Variants in ADCK1 observed in about 807,000 individuals in gnomAD.
ADCK1 encodes the protein aarF domain-containing protein kinase 1.
A neutral mutation model predicts 52.3 loss-of-function variants in ADCK1; 41 were observed. The observed-to-expected ratio is 0.78, with a 90% CI of 0.61 to 1.02. The LOEUF is 1.02. Ranked by LOEUF, ADCK1 falls within the 50% of genes least tolerant of loss-of-function variation. The pLI, the probability that ADCK1 is intolerant of heterozygous loss-of-function variation, is 0.00. For missense variants in ADCK1, 658 were observed against 679.5 expected (o/e 0.97, Z 0.35); for synonymous variants, 250 against 274.6 (o/e 0.91, Z 0.89).
chr14:77,927,332 A>G (rs901168244), intron 9 of ADCK1, among the ~76,000 whole-genome samples: 2 of 152,250 alleles, frequency 1.3e-5, no homozygotes, highest in Non-Finnish European at 2.9e-5. Context: ...TCAAAGGAAG[A>G]CAGACAATTT....
intron 1 of ADCK1, among the ~76,000 whole-genome samples, chr14:77,806,098 G>T (rs892679091): frequency 6.7e-6 from 1 of 150,034 alleles, no homozygotes; most frequent in Non-Finnish European, 1.5e-5. Context: ...ATTGCTCGAG[G>T]TCAGGAGTTT....
At chr14:77,872,573 G>A (rs1474259827) in intron 4 of ADCK1, among the ~76,000 whole-genome samples, 1 of 152,054 alleles carries the variant, frequency 6.6e-6, no homozygotes, top group East Asian at 1.9e-4. Flanking sequence ...TCAGATGGGG[G>A]GCTGGCCTTG....
At chr14:77,874,091 C>A (rs1283157693) in intron 4 of ADCK1, among the ~76,000 whole-genome samples, 1 of 152,188 alleles carries the variant, frequency 6.6e-6, no homozygotes, top group Non-Finnish European at 1.5e-5. Flanking sequence ...CTAGACTGCC[C>A]CCCATCCCCG....
At chr14:77,866,609 G>A (rs1261979921) in intron 4 of ADCK1, among the ~76,000 whole-genome samples, 1 of 152,186 alleles carries the variant, frequency 6.6e-6, no homozygotes, top group African/African-American at 2.4e-5. Context: ...TGGTCTCCAG[G>A]CAGGGCTAAT....
At chr14:77,905,354 TG>T (rs2083642051) in intron 6 of ADCK1, among the ~76,000 whole-genome samples, 1 of 134,170 alleles carries the variant, frequency 7.5e-6, no homozygotes, top group Admixed American at 8.4e-5. Flanking sequence ...TCTGTCACCG[TG>T]GCTGGAGTAC....
At chr14:77,827,870 C>T in intron 3 of ADCK1, 1 of 415,718 alleles carries the variant, frequency 2.4e-6, no homozygotes, top group Non-Finnish European at 4.7e-6. Flanking sequence ...GCTGTATCTC[C>T]CAGGCTGGAG....
At chr14:77,879,227 C>T (rs1244756952) in intron 4 of ADCK1, among the ~76,000 whole-genome samples, 1 of 152,110 alleles carries the variant, frequency 6.6e-6, no homozygotes, top group Non-Finnish European at 1.5e-5. Context: ...AAATACTTAC[C>T]GAGTACCATC....
intron 3 of ADCK1, among the ~76,000 whole-genome samples, chr14:77,835,720 C>T (rs1341505401): frequency 6.6e-6 from 1 of 152,224 alleles, no homozygotes; most frequent in Non-Finnish European, 1.5e-5. Flanking sequence ...ACTGCATCCT[C>T]TACCTCTTGA....
At chr14:77,803,901 G>C (rs918431513) in intron 1 of ADCK1, among the ~76,000 whole-genome samples, 3 of 152,192 alleles carry the variant, frequency 2.0e-5, no homozygotes, top group African/African-American at 7.2e-5. Context: ...TGGAATGAGT[G>C]GGAAGGCCCT....
Position 77,863,467 on chromosome 14 carries a change from C to T in ADCK1, c.423+4188C>T, listed in dbSNP as rs544983542. ...TTGGTCATGCACACACATACACACA[C>T]GCACACACACACACACACATCTATA... On this transcript the variant is annotated intron_variant, in intron 4 of 10. Coordinates refer to ENST00000238561, the MANE Select transcript of ADCK1 (RefSeq NM_020421.4). 1.1e-4 allele frequency among the ~76,000 whole-genome samples: 16 copies of T among 151,552 alleles called. No individual in the cohort carries two copies. In the East Asian group the frequency reaches 1.7e-3, roughly 16 times the overall value.
At chr14:77,856,062 T>C (rs1005933604) in intron 3 of ADCK1, among the ~76,000 whole-genome samples, 2 of 151,616 alleles carry the variant, frequency 1.3e-5, no homozygotes, top group African/African-American at 4.9e-5. Flanking sequence ...ATACAAAAAT[T>C]AGCTAGGCGT....
At chr14:77,825,238 G>A (rs1246207882) in intron 3 of ADCK1, among the ~76,000 whole-genome samples, 5 of 152,136 alleles carry the variant, frequency 3.3e-5, no homozygotes, top group African/African-American at 7.2e-5. Context: ...GCGATGATGC[G>A]TAGGCCTGTG....
At chr14:77,875,960 C>A (rs1371171995) in intron 4 of ADCK1, among the ~76,000 whole-genome samples, 1 of 152,158 alleles carries the variant, frequency 6.6e-6, no homozygotes, top group African/African-American at 2.4e-5. Flanking sequence ...CCCACCATGA[C>A]CCTGCAAAAT....
intron 1 of ADCK1, among the ~76,000 whole-genome samples, chr14:77,807,410 TG>T (rs2081252416): frequency 6.7e-6 from 1 of 150,042 alleles, no homozygotes; most frequent in South Asian, 2.1e-4. Flanking sequence ...GGTGTGATCT[TG>T]GTTCACTGCA....
At chr14:77,926,591 C>T (rs1364731611) in intron 9 of ADCK1, among the ~76,000 whole-genome samples, 1 of 152,214 alleles carries the variant, frequency 6.6e-6, no homozygotes, top group African/African-American at 2.4e-5. Context: ...AGCGATTCTC[C>T]TGTCTCAGCC....
intron 2 of ADCK1, among the ~76,000 whole-genome samples, chr14:77,821,748 G>A (rs1377276333): frequency 6.6e-6 from 1 of 151,806 alleles, no homozygotes; most frequent in Non-Finnish European, 1.5e-5. Context: ...GAGTGTGGTG[G>A]CATGTGTGTA....
chr14:77,851,221 A>G (rs2082278436), intron 3 of ADCK1, among the ~76,000 whole-genome samples: 1 of 147,334 alleles, frequency 6.8e-6, no homozygotes. Flanking sequence ...GGGTTCAAGC[A>G]ATTCTTCTGC....
intron 4 of ADCK1, among the ~76,000 whole-genome samples, chr14:77,867,156 A>AGC (rs1218098552): frequency 6.6e-6 from 1 of 152,174 alleles, no homozygotes; most frequent in Non-Finnish European, 1.5e-5. Flanking sequence ...CTCACCCTCT[A>AGC]GCAGCCCAGG....
At chr14:77,807,040 T>TC (rs2081240721) in intron 1 of ADCK1, among the ~76,000 whole-genome samples, 7 of 121,846 alleles carry the variant, frequency 5.7e-5, no homozygotes, top group Non-Finnish European at 9.8e-5. Flanking sequence ...CTCTCTCTCT[T>TC]TTTTTTTTTT....
Sources: gnomAD v4.1 joint callset for allele counts (sites outside exome capture counted in the v4.1 genomes callset) on GRCh38, gnomAD v4.1.1 for gene constraint, MANE v1.5 for transcripts, NCBI Gene and HGNC (gene_info 2026-07-23, HGNC 2026-07-21) for gene names.